Variants in STAG3 observed in about 807,000 individuals in gnomAD.
The protein encoded by STAG3 is STAG3 cohesin complex component.
A neutral mutation model predicts 160.7 loss-of-function variants in STAG3; 101 were observed. The ratio of observed to expected loss-of-function variants is 0.63; its 90% CI spans 0.54 to 0.74. STAG3 has a LOEUF of 0.74. STAG3 is among the 30% of genes least tolerant of loss of function. STAG3 has a pLI of 0.00. For missense variants in STAG3, 1,188 were observed against 1,517.4 expected (o/e 0.78, Z 3.61); for synonymous variants, 519 against 585.0 (o/e 0.89, Z 1.63).
chr7:100,197,561 A>G (rs1800769799), intron 10 of STAG3: 5 of 635,864 alleles, frequency 7.9e-6, no homozygotes, highest in Non-Finnish European at 1.4e-5. Flanking sequence ...GCTAAGGGGC[A>G]GCCAAAGGAT....
downstream of STAG3, among the ~76,000 whole-genome samples, chr7:100,217,805 G>C (rs1247883559): frequency 6.6e-6 from 1 of 152,084 alleles, no homozygotes; most frequent in Non-Finnish European, 1.5e-5. Context: ...AAAGATCAAA[G>C]ACTAATACTT....
At chr7:100,213,667 GTTTT>G (rs911839613) in intron 32 of STAG3, 64 bp from the exon 33 acceptor site, 30 of 1,611,494 alleles carry the variant, frequency 1.9e-5, no homozygotes, top group East Asian at 4.5e-5. Flanking sequence ...AAAGGAACTG[GTTTT>G]TTTATTTGCG....
chr7:100,209,631 A>T (rs1270198372), intron 29 of STAG3, among the ~76,000 whole-genome samples: 2 of 152,150 alleles, frequency 1.3e-5, no homozygotes, highest in African/African-American at 2.4e-5. Context: ...AAGCTGGGAG[A>T]CCAGCAGGGA....
intron 9 of STAG3, among the ~76,000 whole-genome samples, chr7:100,196,806 G>A (rs370014596): frequency 5.3e-5 from 8 of 151,972 alleles, no homozygotes; most frequent in African/African-American, 1.4e-4. Flanking sequence ...TACAAGGCTG[G>A]TGTTTAACTA....
Position 100,201,861 on chromosome 7 carries a change from T to A in STAG3, c.2296T>A (p.Ser766Thr). 1 of 1,614,138 alleles carries A rather than the reference T, an allele frequency of 6.2e-7. No individual in the cohort carries two copies. Among genetic ancestry groups the A allele is most frequent in the Middle Eastern group, 1.6e-4 (1 of 6,062 alleles). Residue 766 changes from serine (S) to threonine (T), a missense_variant, in exon 22 of 34, where the codon TCC becomes ACC. Physicochemically the swap from Ser to Thr is moderately conservative, Grantham distance 58. Coordinates refer to ENST00000615138, the MANE Select transcript of STAG3 (RefSeq NM_001282717.2). Reference sequence around the variant, plus strand: ...AACCCACATTTCTAAATCAGATGCTTCCCAGGTGAGTGTGGGTCTTAGATG... The same window carrying A: ...AACCCACATTTCTAAATCAGATGCTACCCAGGTGAGTGTGGGTCTTAGATG... Reference protein sequence around the residue: ...TLTHISKSDASQKQLSSLRDR... With the variant: ...TLTHISKSDATQKQLSSLRDR...
rs893123727 is a variant in STAG3 at position 100,199,784 on chromosome 7, A to G, written c.1677+140A>G. Reference sequence around the variant, plus strand: ...ATTTCCAGAAAAAAGGGCCAGGCGCAGTGGCTTACGCCTATAATCCCAGCA... The same window carrying G: ...ATTTCCAGAAAAAAGGGCCAGGCGCGGTGGCTTACGCCTATAATCCCAGCA... On this transcript the variant is annotated intron_variant, in intron 16 of 33. Coordinates refer to ENST00000615138, the MANE Select transcript of STAG3 (RefSeq NM_001282717.2). The G allele has an allele frequency of 5.8e-6, 4 of 687,022 alleles. No individual in the cohort carries two copies. In the South Asian group the frequency reaches 8.2e-5, roughly 14 times the overall value. 42.6% of individuals were successfully genotyped at this position (687,022 alleles called of 1,614,324 possible).
At chr7:100,196,650 G>C (rs1800711393) in intron 9 of STAG3, among the ~76,000 whole-genome samples, 1 of 152,140 alleles carries the variant, frequency 6.6e-6, no homozygotes, top group East Asian at 1.9e-4. Context: ...AAAGGAAGCT[G>C]GGCGTGGTGG....
chr7:100,204,999 A>G lies in STAG3; in HGVS notation c.2952-6A>G, dbSNP rs369547840. 5.0e-5 allele frequency: 80 copies of G among 1,613,048 alleles called. No homozygotes were observed. The highest frequency in any genetic ancestry group is 6.6e-5 in the Non-Finnish European group (78 of 1,179,458). On this transcript the variant is annotated splice_polypyrimidine_tract_variant and splice_region_variant and intron_variant, in intron 27 of 33. Transcript: ENST00000615138. ...TTTCTTCCTAAAATAATTCTGCCCA[A>G]CCAAGGGAAGGCATCCAGTTCTCCT...
At chr7:100,210,202 G>A (rs1451291654) in intron 29 of STAG3, among the ~76,000 whole-genome samples, 1 of 152,168 alleles carries the variant, frequency 6.6e-6, no homozygotes, top group South Asian at 2.1e-4. Flanking sequence ...AAGCCCAGGG[G>A]TATGTCTCTT....
At chr7:100,192,379 G>A (rs1275612568) in intron 8 of STAG3, among the ~76,000 whole-genome samples, 1 of 152,098 alleles carries the variant, frequency 6.6e-6, no homozygotes, top group African/African-American at 2.4e-5. Context: ...ACAAAAATTA[G>A]CTAGGTGTGG....
rs530499520 is a variant in STAG3, at chr7:100,197,800, G to C, written c.1088G>C (p.Cys363Ser). 9 of 1,613,854 alleles carry C rather than the reference G, an allele frequency of 5.6e-6. No homozygotes were observed. The highest frequency in any genetic ancestry group is 5.9e-6 in the Non-Finnish European group (7 of 1,179,918). ...HDKHREVRLK[C>S]VKALKGLYGN... is the part of the protein sequence containing the mutation. Reference sequence around the variant, plus strand: ...CAGCACCGAGAAGTCCGCCTGAAGTGTGTGAAGGCCCTGAAAGGGCTGTAC... The same window carrying C: ...CAGCACCGAGAAGTCCGCCTGAAGTCTGTGAAGGCCCTGAAAGGGCTGTAC... Residue 363 changes from cysteine (C) to serine (S), a missense_variant, in exon 11 of 34, where the codon TGT (cysteine) becomes TCT (serine). Transcript: ENST00000615138.
chr7:100,199,566 A>T lies in STAG3; in HGVS notation c.1599A>T (p.Thr533=), dbSNP rs774562681. Residue 533 remains threonine (T), a synonymous_variant, in exon 16 of 34, where the codon ACA becomes ACT. Transcript: ENST00000615138. ...DQNLGDVQES[T]LIEILVSSAR... is the part of the protein sequence containing the mutation. ...ACCTGGGTGATGTGCAGGAGAGCAC[A>T]CTGATAGAAATCCTTGTGTCCAGTG... The T allele has an allele frequency of 6.9e-6, 11 of 1,604,778 alleles. 1 individual carries two copies. The Admixed American group carries it at 1.9e-4, about 27-fold the overall frequency.
chr7:100,215,160 CCT>C (rs1006600154), downstream of STAG3: 2 of 152,192 alleles, frequency 1.3e-5, no homozygotes, highest in Admixed American at 6.5e-5. Context: ...AATGCTTCAG[CCT>C]CTCTCTTTAG....
Position 100,199,695 on chromosome 7 carries a change from G to A in STAG3, c.1677+51G>A, listed in dbSNP as rs1800946932. Reference sequence around the variant, plus strand: ...GGTCAGCAATACTCAGTCTTGACAGGCAATGTGCATCCTTATCCCCCAGGC... The same window carrying A: ...GGTCAGCAATACTCAGTCTTGACAGACAATGTGCATCCTTATCCCCCAGGC... On this transcript the variant is annotated intron_variant, in intron 16 of 33. Coordinates refer to ENST00000615138, the MANE Select transcript of STAG3 (RefSeq NM_001282717.2). The A allele has an allele frequency of 5.2e-6, 7 of 1,351,734 alleles. No individual in the cohort carries two copies. In the Admixed American group the frequency reaches 1.2e-4, roughly 22 times the overall value. The allele number at this position is 1,351,734 out of a possible 1,614,324, so 83.7% of individuals were successfully genotyped here.
At position 100,205,306 on chromosome 7, in the gene STAG3, C is replaced by T. The variant is rs1228577344; in HGVS notation, c.3160C>T (p.His1054Tyr). 6 of 1,614,060 alleles carry T rather than the reference C, an allele frequency of 3.7e-6. No individual in the cohort carries two copies. Among genetic ancestry groups the T allele is most frequent in the Non-Finnish European group, 8.5e-7 (1 of 1,180,048 alleles). ...HPWGPVTTYC[H>Y]SLSPVENTAE... ...CTGGGGCCCAGTCACCACCTACTGC[C>T]ACTCCCTCAGCCCTGTGGAGAACAC... The change falls in exon 29 of 34, where the codon CAC becomes TAC. Residue 1054 changes from histidine (H) to tyrosine (Y), a missense_variant. His to Tyr is a moderately conservative substitution (Grantham distance 83). Transcript: ENST00000615138.
Position 100,200,216 on chromosome 7 carries a change from C to G in STAG3, c.1678-20C>G, listed in dbSNP as rs1801009264. 7 of 1,602,196 alleles carry G rather than the reference C, an allele frequency of 4.4e-6. No homozygotes were observed. The East Asian group carries it at 9.0e-5, about 21-fold the overall frequency. ...GTGTTTCTTTACACCTCCCCCACCC[C>G]CAAGTGACTCTCATTCCAGGGCTTA... On this transcript the variant is annotated intron_variant, in intron 16 of 33. Coordinates refer to ENST00000615138, the MANE Select transcript of STAG3 (RefSeq NM_001282717.2).
intron 17 of STAG3, 39 bp downstream of exon 17, chr7:100,200,367 G>A: frequency 6.2e-7 from 1 of 1,613,290 alleles, no homozygotes; most frequent in Non-Finnish European, 8.5e-7. Context: ...ACCAAGAGAA[G>A]TGAAAGGAAA....
chr7:100,200,553 A>G lies in STAG3; in HGVS notation c.1860+11A>G. 2 of 1,613,422 alleles carry G rather than the reference A, an allele frequency of 1.2e-6. No individual in the cohort carries two copies. Among genetic ancestry groups the G allele is most frequent in the Non-Finnish European group, 1.7e-6 (2 of 1,179,758 alleles). On this transcript the variant is annotated intron_variant, in intron 18 of 33. Coordinates refer to ENST00000615138, the MANE Select transcript of STAG3 (RefSeq NM_001282717.2). ...GGGCGCTTGGAGAAGGTAGGGAGAT[A>G]GATTTCCTATACCTTGCTGCTTGCC...
At chr7:100,181,188 G>A (rs1799625781) in intron 2 of STAG3, among the ~76,000 whole-genome samples, 1 of 151,992 alleles carries the variant, frequency 6.6e-6, no homozygotes, top group Non-Finnish European at 1.5e-5. Flanking sequence ...ATAGGTCTGT[G>A]TATCCTTATT....
Sources: allele counts gnomAD v4.1 joint callset (sites outside exome capture counted in the v4.1 genomes callset), GRCh38; gene constraint gnomAD v4.1.1; transcripts MANE v1.5; gene names NCBI Gene and HGNC (gene_info 2026-07-23, HGNC 2026-07-21).